Variants in CLIC3 observed in about 807,000 individuals in gnomAD.
CLIC3 encodes CLIC family member 3.
In CLIC3, 29 loss-of-function variants were observed where a neutral mutation model predicts 19.9. That is an observed-to-expected ratio of 1.46 (90% CI 1.09 to 1.99). CLIC3 has a LOEUF of 1.99. CLIC3 is among the 30% of genes most tolerant of loss of function. The pLI is 0.00. For missense variants in CLIC3, 365 were observed against 342.6 expected, an observed-to-expected ratio of 1.07 and a Z score of -0.52; for synonymous variants, 143 against 156.4, an observed-to-expected ratio of 0.91 and a Z score of 0.64.
rs560426731 is a variant in CLIC3 at position 136,995,652 on chromosome 9, G to C, written c.139C>G (p.Arg47Gly). The C allele has an allele frequency of 1.9e-6, 3 of 1,610,624 alleles. No individual in the cohort carries two copies. The highest frequency in any genetic ancestry group is 2.2e-5 in the East Asian group (1 of 44,832). The change falls in exon 2 of 6, where the codon CGC becomes GGC. Residue 47 changes from arginine (R) to glycine (G), a missense_variant. Transcript: ENST00000494426. ...GTCCACAGGATGGGGCCTCACCTGC[G>C]CGTGTCCACCGTGGTGAGGGTGAAA... ...VPFTLTTVDTRRSPDVLKDFA... is the reference protein window; with the variant it reads ...VPFTLTTVDTGRSPDVLKDFA...
rs1286911301 is a variant in CLIC3, at chr9:136,994,673, G to A, written c.*8C>T. On this transcript the variant is annotated 3_prime_UTR_variant, in exon 6 of 6. Transcript: ENST00000494426. The stretch of plus-strand genomic sequence containing the variant: ...GCCTTTATTGGGCGACAGACGCGGG[G>A]TGGGGCGCTAGCGGGGGTGCACGGC... The A allele has an allele frequency of 3.1e-6, 5 of 1,604,578 alleles. No homozygotes were observed. The South Asian group carries it at 3.3e-5, about 11-fold the overall frequency.
Position 136,994,738 on chromosome 9 carries a change from C to T in CLIC3, c.654G>A (p.Thr218=), listed in dbSNP as rs1471056458. 1.2e-6 allele frequency: 2 copies of T among 1,609,534 alleles called. No individual in the cohort carries two copies. The highest frequency in any genetic ancestry group is 2.2e-5 in the East Asian group (1 of 44,782). Residue 218 remains threonine, a synonymous_variant, in exon 6 of 6, where the codon ACG becomes ACA. Coordinates refer to ENST00000494426, the MANE Select transcript of CLIC3 (RefSeq NM_004669.3). ...CCAGGATCTCGGCGCTGTGCGGACACGTGTATTTGAACTCTTTCTCCTGCA... is the reference window on the plus strand; with the variant it reads ...CCAGGATCTCGGCGCTGTGCGGACATGTGTATTTGAACTCTTTCTCCTGCA... The part of the protein sequence containing the change: ...SAMQEKEFKY[T]CPHSAEILAA...
At position 136,994,878 on chromosome 9, in the gene CLIC3, T is replaced by C. The variant is rs201838265; in HGVS notation, c.553-39A>G. 1,000 of 1,488,858 alleles carry C rather than the reference T, an allele frequency of 6.7e-4. 1 individual carries two copies. The highest frequency in any genetic ancestry group is 8.4e-4 in the Non-Finnish European group (942 of 1,125,032). 92.2% of individuals were successfully genotyped at this position (1,488,858 alleles called of 1,614,324 possible). On this transcript the variant is annotated intron_variant, in intron 5 of 5. Coordinates refer to ENST00000494426, the MANE Select transcript of CLIC3 (RefSeq NM_004669.3). ...CGCGGGGCGCGGTCAGGACCTGCCG[T>C]CCCCCAGGCGCGCCGCGGTCACCCT...
intron 1 of CLIC3, 99 bp downstream of exon 1, chr9:136,996,412 C>T (rs944057731): frequency 3.5e-6 from 4 of 1,127,278 alleles, no homozygotes; most frequent in Non-Finnish European, 5.2e-6. Flanking sequence ...GGGGCTCAGA[C>T]ATTACTGGGA....
rs767582422 is a variant in CLIC3, at chr9:136,994,634, C to T, written c.*47G>A. ...CCCTTCAGATGTCAGGACACCCTCA[C>T]TCCCGACAAAGATGCCTTTATTGGG... On this transcript the variant is annotated 3_prime_UTR_variant, in exon 6 of 6. Transcript: ENST00000494426. 3 of 1,577,406 alleles carry T rather than the reference C, an allele frequency of 1.9e-6. No individual in the cohort carries two copies. The highest frequency in any genetic ancestry group is 4.5e-4 in the Middle Eastern group (2 of 4,448).
chr9:136,996,103 G>T (rs1588497831), intron 1 of CLIC3, among the ~76,000 whole-genome samples: 1 of 152,180 alleles, frequency 6.6e-6, no homozygotes, highest in Non-Finnish European at 1.5e-5. Context: ...ATTCACACAT[G>T]AGACTGGGCA....
Position 136,995,719 on chromosome 9 carries a change from G to A in CLIC3, c.72C>T (p.Ser24=). 6.2e-7 allele frequency: 1 copy of A among 1,601,354 alleles called. No homozygotes were observed. The highest frequency in any genetic ancestry group is 8.5e-7 in the Non-Finnish European group (1 of 1,175,410). The stretch of plus-strand genomic sequence containing the variant: ...GCAGGACCATGAAGAGCCGCTGGCA[G>A]GAGGGGCAGTGACCCACGCTCTCCC... ...EDGESVGHCP[S]CQRLFMVLLL... The change falls in exon 2 of 6, where the codon TCC becomes TCT. Residue 24 remains serine, a synonymous_variant. Coordinates refer to ENST00000494426, the MANE Select transcript of CLIC3 (RefSeq NM_004669.3).
Position 136,994,763 on chromosome 9 carries a change from A to T in CLIC3, c.629T>A (p.Met210Lys), listed in dbSNP as rs371198326. ...RGVRRYLDSAMQEKEFKYTCP... is the reference protein window; with the variant it reads ...RGVRRYLDSAKQEKEFKYTCP... ...CGTGTATTTGAACTCTTTCTCCTGCATCGCGCTGTCCAGGTAGCGGCGTAC... is the reference window on the plus strand; with the variant it reads ...CGTGTATTTGAACTCTTTCTCCTGCTTCGCGCTGTCCAGGTAGCGGCGTAC... Residue 210 changes from methionine (M) to lysine (K), a missense_variant, in exon 6 of 6, where the codon ATG becomes AAG. Met to Lys is a moderately conservative substitution (Grantham distance 95). Coordinates refer to ENST00000494426, the MANE Select transcript of CLIC3 (RefSeq NM_004669.3). The T allele has an allele frequency of 6.2e-7, 1 of 1,604,436 alleles. No homozygotes were observed. Among genetic ancestry groups the T allele is most frequent in the Non-Finnish European group, 8.5e-7 (1 of 1,176,158 alleles).
chr9:136,995,824 T>G (rs1830697239), intron 1 of CLIC3, 67 bp from the exon 2 acceptor site: 3 of 1,133,058 alleles, frequency 2.6e-6, no homozygotes, highest in Non-Finnish European at 3.8e-6. Context: ...GCCGCCAGGC[T>G]GGGCGGGACC....
chr9:136,994,871 C>A, intron 5 of CLIC3, 32 bp from the exon 6 acceptor site: 1 of 1,497,826 alleles, frequency 6.7e-7, no homozygotes, highest in Non-Finnish European at 8.9e-7. Context: ...GCGGTCAGGA[C>A]CTGCCGTCCC....
intron 5 of CLIC3, 35 bp downstream of exon 5, chr9:136,994,876 CGTCCCCCAGGCGCGCCGCG>C: frequency 6.7e-7 from 1 of 1,494,374 alleles, no homozygotes; most frequent in Non-Finnish European, 8.9e-7. Flanking sequence ...CAGGACCTGC[CGTCCCCCAGGCGCGCCGCG>C]GTCACCCTCC....
At position 136,996,549 on chromosome 9, in the gene CLIC3, G is replaced by A; in HGVS notation, c.-6C>T. 5.1e-6 allele frequency: 8 copies of A among 1,553,434 alleles called. No individual in the cohort carries two copies. The highest frequency in any genetic ancestry group is 7.0e-6 in the Non-Finnish European group (8 of 1,148,060). On this transcript the variant is annotated 5_prime_UTR_variant, in exon 1 of 6. Coordinates refer to ENST00000494426, the MANE Select transcript of CLIC3 (RefSeq NM_004669.3). ...TGGAGCTTGGTCTCCGCCATGGTGG[G>A]AGCTGCCGCGGTCAGGCGCGGGTGG...
rs1375185004 is a variant in CLIC3, at chr9:136,995,026, C to G, written c.456G>C (p.Gly152=). Residue 152 remains glycine, a synonymous_variant, in exon 5 of 6, where the codon GGG becomes GGC. Transcript: ENST00000494426. The stretch of plus-strand genomic sequence containing the variant: ...GGCGGGACTCGCGCAGCTGCGGCTC[C>G]CCCGCCAGCTCGTGCTCCAGGGGCG... ...LRAPLEHELA[G]EPQLRESRRR... 29 of 1,509,322 alleles carry G rather than the reference C, an allele frequency of 1.9e-5. No individual in the cohort carries two copies. Among genetic ancestry groups the G allele is most frequent in the Non-Finnish European group, 2.6e-5 (29 of 1,133,828 alleles). The allele number at this position is 1,509,322 out of a possible 1,614,324, so 93.5% of individuals were successfully genotyped here. A position where few individuals can be genotyped will look rare whatever the true frequency, so the allele number is the denominator to read the frequency against.
rs1257670933 is a variant in CLIC3 at position 136,994,686 on chromosome 9, G to C, written c.706C>G (p.Arg236Gly). Residue 236 changes from arginine (R) to glycine (G), a missense_variant, in exon 6 of 6, where the codon CGC (arginine) becomes GGC (glycine). Transcript: ENST00000494426. Reference protein sequence around the residue: ...LAAYRPAVHPR With the variant: ...LAAYRPAVHPG ...GACAGACGCGGGGTGGGGCGCTAGC[G>C]GGGGTGCACGGCGGGCCGGTAGGCC... 2 of 1,607,896 alleles carry C rather than the reference G, an allele frequency of 1.2e-6. No individual in the cohort carries two copies. Among genetic ancestry groups the C allele is most frequent in the East Asian group, 2.2e-5 (1 of 44,738 alleles).
At position 136,996,524 on chromosome 9, in the gene CLIC3, T is replaced by C. The variant is rs777315086; in HGVS notation, c.20A>G (p.Gln7Arg). ...TCCGCCCTGCACCTTGACAAACAGCTGGAGCTTGGTCTCCGCCATGGTGGG... is the reference window on the plus strand; with the variant it reads ...TCCGCCCTGCACCTTGACAAACAGCCGGAGCTTGGTCTCCGCCATGGTGGG... MAETKL[Q>R]LFVKASEDGE... The change falls in exon 1 of 6, where the codon CAG becomes CGG. Residue 7 changes from glutamine to arginine, a missense_variant. Coordinates refer to ENST00000494426, the MANE Select transcript of CLIC3 (RefSeq NM_004669.3). 4.5e-6 allele frequency: 7 copies of C among 1,555,266 alleles called. 1 individual carries two copies. The South Asian group carries it at 5.9e-5, about 13-fold the overall frequency.
chr9:136,995,670 G>C lies in CLIC3; in HGVS notation c.121C>G (p.Leu41Val), dbSNP rs757374146. The C allele has an allele frequency of 6.2e-7, 1 of 1,610,694 alleles. No individual in the cohort carries two copies. Among genetic ancestry groups the C allele is most frequent in the African/African-American group, 1.3e-5 (1 of 75,036 alleles). Residue 41 changes from leucine to valine, a missense_variant, in exon 2 of 6, where the codon CTC becomes GTC. By Grantham distance (32) the Leu-to-Val change is conservative. Coordinates refer to ENST00000494426, the MANE Select transcript of CLIC3 (RefSeq NM_004669.3). ...CACCTGCGCGTGTCCACCGTGGTGA[G>C]GGTGAAAGGTACGCCCTTGAGGAGC... ...VLLLKGVPFTLTTVDTRRSPD... is the reference protein window; with the variant it reads ...VLLLKGVPFTVTTVDTRRSPD...
chr9:136,994,852 T>C lies in CLIC3; in HGVS notation c.553-13A>G, dbSNP rs1830673191. On this transcript the variant is annotated splice_polypyrimidine_tract_variant and intron_variant, in intron 5 of 5. Transcript: ENST00000494426. The stretch of plus-strand genomic sequence containing the variant: ...GCGCGCACACCGTCTGCGGGCAGGA[T>C]CGCGGGGCGCGGTCAGGACCTGCCG... The C allele has an allele frequency of 6.5e-7, 1 of 1,534,934 alleles. No individual in the cohort carries two copies. Among genetic ancestry groups the C allele is most frequent in the Non-Finnish European group, 8.8e-7 (1 of 1,142,798 alleles).
In CLIC3 at chr9:136,995,167, C is replaced by T; in HGVS notation, c.376+19G>A. ...GGCGCCCTCCCGCCTGGGCACCCGA[C>T]CCCCTGACCCCGCTTCACCTTCGTC... On this transcript the variant is annotated intron_variant, in intron 4 of 5. Transcript: ENST00000494426. 11 of 1,605,742 alleles carry T rather than the reference C, an allele frequency of 6.9e-6. No homozygotes were observed. The highest frequency in any genetic ancestry group is 1.1e-5 in the South Asian group (1 of 90,138).
chr9:136,995,483 C>T lies in CLIC3; in HGVS notation c.228G>A (p.Leu76=). The T allele has an allele frequency of 6.2e-7, 1 of 1,612,650 alleles. No individual in the cohort carries two copies. The highest frequency in any genetic ancestry group is 1.1e-5 in the South Asian group (1 of 91,084). The change falls in exon 3 of 6, where the codon CTG becomes CTA. Residue 76 remains leucine, a synonymous_variant. Coordinates refer to ENST00000494426, the MANE Select transcript of CLIC3 (RefSeq NM_004669.3). ...LYDSDAKTDT[L]QIEDFLEETL... ...TCTCCTCCAGAAAGTCCTCGATCTG[C>T]AGCGTGTCTGTCTTGGCGTCGCTGT...
Sources: allele counts gnomAD v4.1 joint callset (sites outside exome capture counted in the v4.1 genomes callset), GRCh38; gene constraint gnomAD v4.1.1; transcripts MANE v1.5; gene names NCBI Gene and HGNC (gene_info 2026-07-23, HGNC 2026-07-21).